The following PLEKHH2 variants were observed in gnomAD, a reference collection of about 807,000 sequenced individuals.
PLEKHH2 encodes pleckstrin homology, MyTH4 and FERM domain containing H2.
PLEKHH2 carries 129 observed loss-of-function variants against 187.9 expected under a neutral mutation model. The ratio of observed to expected loss-of-function variants is 0.69; its 90% confidence interval spans 0.59 to 0.79. The LOEUF (loss-of-function observed/expected upper bound fraction) is 0.79. Among genes scored for constraint, PLEKHH2 ranks in the 30% least tolerant of loss-of-function variants. The pLI, the probability that PLEKHH2 is intolerant of heterozygous loss-of-function variation, is 0.00. For missense variants in PLEKHH2, 2,076 were observed against 1,751.2 expected, an observed-to-expected ratio of 1.19 and a Z score of -3.31; for synonymous variants, 686 against 605.6, an observed-to-expected ratio of 1.13 and a Z score of -1.95.
In PLEKHH2 at chr2:43,647,647, C is replaced by T. The variant is rs186398563; in HGVS notation, c.123+2851C>T. ...ATGGCATTGCTTCTAAGTGCCAACTCGAGTCAAATGTTGCATTCCAGAGAC... is the reference window on the plus strand; with the variant it reads ...ATGGCATTGCTTCTAAGTGCCAACTTGAGTCAAATGTTGCATTCCAGAGAC... On this transcript the variant is annotated intron_variant, in intron 2 of 29. Transcript: ENST00000282406. Among the ~76,000 whole-genome samples, 39 of 152,222 alleles carry T rather than the reference C, an allele frequency of 2.6e-4. No homozygotes were observed. The East Asian group carries it at 6.6e-3, about 26-fold the overall frequency.
intron 2 of PLEKHH2, among the ~76,000 whole-genome samples, chr2:43,676,498 T>C (rs1029701566): frequency 1.3e-5 from 2 of 151,322 alleles, no homozygotes; most frequent in African/African-American, 4.9e-5. Context: ...CGGCGGCCAC[T>C]GCGGGTGGGG....
At chr2:43,745,116 C>G (rs1352716205) in intron 23 of PLEKHH2, among the ~76,000 whole-genome samples, 1 of 152,012 alleles carries the variant, frequency 6.6e-6, no homozygotes, top group African/African-American at 2.4e-5. Flanking sequence ...GAGTTCAAGA[C>G]CAGCCTGATC....
intron 16 of PLEKHH2, among the ~76,000 whole-genome samples, chr2:43,722,871 A>G (rs958527098): frequency 1.3e-5 from 2 of 152,262 alleles, no homozygotes; most frequent in Non-Finnish European, 2.9e-5. Context: ...ATACATAAAC[A>G]GAAATCCATT....
intron 16 of PLEKHH2, 103 bp downstream of exon 16, chr2:43,720,852 T>G: frequency 3.4e-6 from 5 of 1,463,586 alleles, no homozygotes; most frequent in Non-Finnish European, 4.5e-6. Context: ...CTTCAGAATC[T>G]TTATGAGGTT....
At chr2:43,730,777 A>G (rs527872271) in intron 18 of PLEKHH2, among the ~76,000 whole-genome samples, 1 of 152,354 alleles carries the variant, frequency 6.6e-6, no homozygotes, top group South Asian at 2.1e-4. Flanking sequence ...AAGAGAGACC[A>G]CATTTTATTT....
At chr2:43,675,837 G>A (rs751879944) in intron 2 of PLEKHH2, 3 of 1,613,950 alleles carry the variant, frequency 1.9e-6, no homozygotes, top group African/African-American at 1.3e-5. Context: ...AGAAGGGCTG[G>A]GATGCATCCC....
At chr2:43,660,334 T>C (rs1667003443) in intron 2 of PLEKHH2, among the ~76,000 whole-genome samples, 1 of 152,166 alleles carries the variant, frequency 6.6e-6, no homozygotes, top group Non-Finnish European at 1.5e-5. Context: ...ATACAGCTGC[T>C]GTAAACATTC....
chr2:43,744,317 C>T (rs1459370970), intron 23 of PLEKHH2, among the ~76,000 whole-genome samples: 2 of 152,172 alleles, frequency 1.3e-5, no homozygotes, highest in African/African-American at 4.8e-5. Flanking sequence ...TTCAGCAATA[C>T]TTACTAAGCT....
chr2:43,675,160 A>G (rs1667677871), intron 2 of PLEKHH2: 2 of 406,656 alleles, frequency 4.9e-6, no homozygotes, highest in Non-Finnish European at 8.7e-6. Flanking sequence ...ATTAATTTTA[A>G]TAGTATATTT....
intron 11 of PLEKHH2, among the ~76,000 whole-genome samples, chr2:43,708,959 C>T (rs779681834): frequency 1.4e-4 from 21 of 152,020 alleles, no homozygotes; most frequent in South Asian, 4.2e-4. Context: ...CTAATATGTC[C>T]CTTAAATGTT....
intron 16 of PLEKHH2, 24 bp downstream of exon 16, chr2:43,720,773 C>T (rs116119494): frequency 6.3e-7 from 1 of 1,585,098 alleles, no homozygotes; most frequent in Non-Finnish European, 8.5e-7. Flanking sequence ...TTTAATATGC[C>T]AATTGAAGTA....
At chr2:43,672,905 C>G (rs1488369739) in intron 2 of PLEKHH2, among the ~76,000 whole-genome samples, 1 of 152,156 alleles carries the variant, frequency 6.6e-6, no homozygotes, top group Non-Finnish European at 1.5e-5. Context: ...TCCATAAAAA[C>G]AGGCACACGT....
chr2:43,709,415 TA>T (rs1669830355), intron 11 of PLEKHH2, among the ~76,000 whole-genome samples: 1 of 152,246 alleles, frequency 6.6e-6, no homozygotes, highest in African/African-American at 2.4e-5. Flanking sequence ...TAAATACACA[TA>T]TTTTTAATTC....
At chr2:43,732,682 G>A (rs1671097801) in intron 19 of PLEKHH2, among the ~76,000 whole-genome samples, 1 of 151,908 alleles carries the variant, frequency 6.6e-6, no homozygotes, top group Admixed American at 6.6e-5. Context: ...CCTTTGTTTT[G>A]AACCATTAGC....
chr2:43,689,706 T>C (rs527879937), intron 3 of PLEKHH2, among the ~76,000 whole-genome samples: 1 of 152,224 alleles, frequency 6.6e-6, no homozygotes. Context: ...TTGCCCCTTT[T>C]GCCAATATTT....
intron 2 of PLEKHH2, among the ~76,000 whole-genome samples, chr2:43,653,904 A>T (rs1474159957): frequency 2.6e-5 from 4 of 152,258 alleles, no homozygotes; most frequent in Non-Finnish European, 5.9e-5. Flanking sequence ...AATATCACAC[A>T]TAGTTACAAT....
At chr2:43,694,929 C>G (rs1052371454) in intron 5 of PLEKHH2, among the ~76,000 whole-genome samples, 1 of 152,072 alleles carries the variant, frequency 6.6e-6, no homozygotes, top group African/African-American at 2.4e-5. Context: ...ACATTTAAAA[C>G]TCTTAGTTCT....
chr2:43,704,649 C>T (rs1436797241), intron 9 of PLEKHH2, among the ~76,000 whole-genome samples: 3 of 94,060 alleles, frequency 3.2e-5, no homozygotes, highest in African/African-American at 1.4e-4. Flanking sequence ...GGTGACAGAG[C>T]AAGATTCTGT....
At chr2:43,730,022 C>G (rs552873250) in intron 18 of PLEKHH2, among the ~76,000 whole-genome samples, 20 of 152,216 alleles carry the variant, frequency 1.3e-4, no homozygotes, top group African/African-American at 4.6e-4. Flanking sequence ...TCCTCACCAA[C>G]ATAATGAAAC....
Sources: gnomAD v4.1 joint callset for allele counts (sites outside exome capture counted in the v4.1 genomes callset) on GRCh38, gnomAD v4.1.1 for gene constraint, MANE v1.5 for transcripts, NCBI Gene and HGNC (gene_info 2026-07-23, HGNC 2026-07-21) for gene names.